The following UBE2D2 variants were observed in gnomAD, a reference collection of about 807,000 sequenced individuals.
The protein encoded by UBE2D2 is ubiquitin-conjugating enzyme E2 D2.
UBE2D2 carries 2 observed loss-of-function variants against 24.2 expected under a neutral mutation model. That is an observed-to-expected ratio of 0.08 (90% confidence interval 0.03 to 0.26). The LOEUF is 0.26. UBE2D2 is among the 10% of genes least tolerant of loss of function. UBE2D2 has a pLI of 1.00. For missense variants in UBE2D2, 44 were observed against 177.6 expected, an observed-to-expected ratio of 0.25 and a Z score of 4.28; for synonymous variants, 58 against 56.5, an observed-to-expected ratio of 1.03 and a Z score of -0.12.
chr5:139,620,973 GGTA>G (rs1754503108), intron 5 of UBE2D2, among the ~76,000 whole-genome samples: 1 of 152,234 alleles, frequency 6.6e-6, no homozygotes, highest in South Asian at 2.1e-4. Context: ...GGCCGGGTGT[GGTA>G]GTTCACGCCT....
At chr5:139,535,458 A>AT (rs1361055873) in intron 1 of UBE2D2, among the ~76,000 whole-genome samples, 2 of 151,542 alleles carry the variant, frequency 1.3e-5, no homozygotes, top group African/African-American at 4.8e-5. Context: ...TCAAAAAAAA[A>AT]CAAAAAACAA....
chr5:139,538,636 C>T (rs1189684177), intron 1 of UBE2D2, among the ~76,000 whole-genome samples: 4 of 151,866 alleles, frequency 2.6e-5, no homozygotes, highest in African/African-American at 7.3e-5. Context: ...TTTGGGAGGC[C>T]GAGGCGGGCA....
At chr5:139,550,745 G>A (rs1176256383) in intron 1 of UBE2D2, among the ~76,000 whole-genome samples, 1 of 150,990 alleles carries the variant, frequency 6.6e-6, no homozygotes, top group African/African-American at 2.4e-5. Context: ...GCTGCCTTAA[G>A]AGGTGTAATA....
chr5:139,593,154 C>A (rs1753881333), intron 1 of UBE2D2, among the ~76,000 whole-genome samples: 2 of 151,902 alleles, frequency 1.3e-5, no homozygotes, highest in South Asian at 2.1e-4. Context: ...CGCCACCACG[C>A]CCAGCTAACT....
intron 1 of UBE2D2, among the ~76,000 whole-genome samples, chr5:139,587,941 C>T (rs562942838): frequency 2.0e-5 from 3 of 152,134 alleles, no homozygotes; most frequent in East Asian, 1.9e-4. Flanking sequence ...AGCTAAGTTG[C>T]GAGCCCCGTA....
chr5:139,558,381 G>A (rs567334653), upstream of UBE2D2, among the ~76,000 whole-genome samples: 12 of 152,180 alleles, frequency 7.9e-5, no homozygotes, highest in African/African-American at 2.6e-4. Context: ...TCTGCTTCCC[G>A]GGTTCACGCC....
intron 1 of UBE2D2, among the ~76,000 whole-genome samples, chr5:139,563,775 T>G (rs1023502513): frequency 6.6e-6 from 1 of 151,888 alleles, no homozygotes; most frequent in African/African-American, 2.4e-5. Flanking sequence ...TGCTAAAATA[T>G]ACAAAAAAAA....
chr5:139,531,846 G>GTA (rs1254917498), intron 1 of UBE2D2, among the ~76,000 whole-genome samples: 1 of 151,872 alleles, frequency 6.6e-6, no homozygotes, highest in Non-Finnish European at 1.5e-5. Flanking sequence ...AACCAGGTGG[G>GTA]TATAGTGGAA....
At chr5:139,567,265 A>G (rs2126651443) in intron 1 of UBE2D2, among the ~76,000 whole-genome samples, 1 of 151,998 alleles carries the variant, frequency 6.6e-6, no homozygotes, top group South Asian at 2.1e-4. Flanking sequence ...ACGCCCAGCT[A>G]ATTTTTGTAT....
intron 1 of UBE2D2, among the ~76,000 whole-genome samples, chr5:139,592,319 ATCT>A (rs143461912): frequency 1.1e-3 from 168 of 152,058 alleles, no homozygotes; most frequent in African/African-American, 3.9e-3. Flanking sequence ...TTCCCCTCAA[ATCT>A]TCTTGGTAGT....
intron 1 of UBE2D2, among the ~76,000 whole-genome samples, chr5:139,581,991 T>C (rs1489813181): frequency 6.6e-6 from 1 of 151,836 alleles, no homozygotes; most frequent in African/African-American, 2.4e-5. Context: ...TTTTTTGTTT[T>C]TGTTTTTTTT....
chr5:139,552,137 T>TCTAATAGATAAGCTCTAAAGG (rs1752927346), intron 1 of UBE2D2, among the ~76,000 whole-genome samples: 1 of 152,046 alleles, frequency 6.6e-6, no homozygotes, highest in Non-Finnish European at 1.5e-5. Context: ...TAGATTAGCC[T>TCTAATAGATAAGCTCTAAAGG]CTAATAGATA....
At chr5:139,573,973 TAAATA>T (rs1205769591) in intron 1 of UBE2D2, among the ~76,000 whole-genome samples, 1 of 149,396 alleles carries the variant, frequency 6.7e-6, no homozygotes, top group Non-Finnish European at 1.5e-5. Flanking sequence ...TGTCTCTAAA[TAAATA>T]AATAAATAAA....
chr5:139,546,233 G>A (rs1350401663), intron 1 of UBE2D2, among the ~76,000 whole-genome samples: 1 of 151,284 alleles, frequency 6.6e-6, no homozygotes, highest in East Asian at 1.9e-4. Context: ...TAGTAGAGAC[G>A]AGGATTCACC....
At chr5:139,625,249 G>C (rs1349563728) in intron 6 of UBE2D2, among the ~76,000 whole-genome samples, 3 of 147,834 alleles carry the variant, frequency 2.0e-5, no homozygotes, top group Non-Finnish European at 4.5e-5. Context: ...GGGACTGCTA[G>C]TACATGCCAC....
rs1229986231 is a variant in UBE2D2 at position 139,592,870 on chromosome 5, TG to T, written c.25-7499del. Among the ~76,000 whole-genome samples the T allele has an allele frequency of 8.5e-5, 13 of 152,164 alleles. No homozygotes were observed. In the East Asian group the frequency reaches 2.5e-3, roughly 29 times the overall value. On this transcript the variant is annotated intron_variant, in intron 1 of 6. Coordinates refer to ENST00000398733, the MANE Select transcript of UBE2D2 (RefSeq NM_003339.3). ...TACCCACCTTGGCCTCCCAAAGTGC[TG>T]GGATTACAGGCATGAGCCACCACGC...
chr5:139,616,366 G>C (rs78776686), intron 5 of UBE2D2, among the ~76,000 whole-genome samples: 12,376 of 152,046 alleles, frequency 0.081, 627 homozygotes, highest in African/African-American at 0.12. Context: ...TCTCACTGCT[G>C]TACTCTGAAA....
At chr5:139,548,193 A>ATAAATAAATAAAT (rs1752862435) in intron 1 of UBE2D2, among the ~76,000 whole-genome samples, 43 of 47,068 alleles carry the variant, frequency 9.1e-4, no homozygotes, top group South Asian at 2.0e-3. Context: ...ATAAAAAAAA[A>ATAAATAAATAAAT]AAATAAATAA....
intron 1 of UBE2D2, among the ~76,000 whole-genome samples, chr5:139,535,741 G>C (rs1473028705): frequency 6.6e-6 from 1 of 152,174 alleles, no homozygotes; most frequent in African/African-American, 2.4e-5. Context: ...AGATATTTAT[G>C]ATATACATTT....
Sources: gnomAD v4.1 joint callset for allele counts (sites outside exome capture counted in the v4.1 genomes callset) on GRCh38, gnomAD v4.1.1 for gene constraint, MANE v1.5 for transcripts, NCBI Gene and HGNC (gene_info 2026-07-23, HGNC 2026-07-21) for gene names.